The following CDKAL1 variants were observed in gnomAD, a reference collection of about 807,000 sequenced individuals.
CDKAL1 encodes threonylcarbamoyladenosine tRNA methylthiotransferase.
Under a neutral mutation model 68.2 loss-of-function variants are expected in CDKAL1, and 32 were observed. That is an observed-to-expected ratio of 0.47 (90% CI 0.35 to 0.63). The LOEUF is 0.63. CDKAL1 is among the 30% of genes least tolerant of loss of function. The pLI is 0.00. For missense variants in CDKAL1, 606 were observed against 696.7 expected (o/e 0.87, Z 1.47); for synonymous variants, 234 against 244.3 (o/e 0.96, Z 0.39).
intron 5 of CDKAL1, among the ~76,000 whole-genome samples, chr6:20,673,339 A>C (rs990093455): frequency 1.8e-4 from 27 of 152,230 alleles, no homozygotes; most frequent in Non-Finnish European, 2.9e-4. Context: ...TAGTACTTGC[A>C]CATAACCTAT....
In CDKAL1 at chr6:21,144,780, G is replaced by A. The variant is rs796162202; in HGVS notation, c.1299+36317G>A. ...ATTATGCCTTTGCACTCCAGCCTGG[G>A]TGACACAGTGAGACTGACCTTGTCT... On this transcript the variant is annotated intron_variant, in intron 13 of 15. Coordinates refer to ENST00000274695, the MANE Select transcript of CDKAL1 (RefSeq NM_017774.3). Among the ~76,000 whole-genome samples, 43 of 152,174 alleles carry A rather than the reference G, an allele frequency of 2.8e-4. 1 individual carries two copies. The highest frequency in any genetic ancestry group is 1.0e-3 in the African/African-American group (43 of 41,516).
At chr6:20,784,181 C>G (rs944740819) in intron 8 of CDKAL1, among the ~76,000 whole-genome samples, 1 of 150,894 alleles carries the variant, frequency 6.6e-6, no homozygotes, top group Non-Finnish European at 1.5e-5. Context: ...CCACTAAACT[C>G]CAGCCTGGAG....
chr6:20,979,566 C>CG (rs1313013315), intron 10 of CDKAL1, among the ~76,000 whole-genome samples: 2 of 151,596 alleles, frequency 1.3e-5, no homozygotes, highest in African/African-American at 4.9e-5. Flanking sequence ...ACATGTTTCC[C>CG]GGGGGTTCGA....
At chr6:21,076,894 C>T (rs1458821032) in intron 12 of CDKAL1, among the ~76,000 whole-genome samples, 1 of 151,996 alleles carries the variant, frequency 6.6e-6, no homozygotes, top group African/African-American at 2.4e-5. Flanking sequence ...TTAGCCTGCC[C>T]ATAATTTTGT....
chr6:20,587,130 G>T (rs1049757599), intron 4 of CDKAL1, among the ~76,000 whole-genome samples: 28 of 151,782 alleles, frequency 1.8e-4, no homozygotes, highest in Admixed American at 6.6e-5. Context: ...GAGATTACAG[G>T]CGCGTGCCAC....
chr6:20,571,855 T>A (rs914091265), intron 4 of CDKAL1, among the ~76,000 whole-genome samples: 16 of 152,054 alleles, frequency 1.1e-4, no homozygotes, highest in East Asian at 5.8e-4. Flanking sequence ...GATGTAATTT[T>A]AAAAAAAATT....
In CDKAL1 at chr6:20,681,218, G is replaced by A. The variant is rs111970018; in HGVS notation, c.371+31841G>A. On this transcript the variant is annotated intron_variant, in intron 5 of 15. Transcript: ENST00000274695. ...TAGGTGAATCCCTGTAAAGAACATT[G>A]TAGAAGGTTATTATAACAACTCCTA... Among the ~76,000 whole-genome samples, 465 of 152,270 alleles carry A rather than the reference G, an allele frequency of 3.1e-3. 6 individuals carry two copies. Among genetic ancestry groups the A allele is most frequent in the African/African-American group, 0.01 (436 of 41,556 alleles).
intron 3 of CDKAL1, among the ~76,000 whole-genome samples, chr6:20,547,013 A>T (rs527629554): frequency 4.0e-4 from 58 of 146,480 alleles, no homozygotes; most frequent in South Asian, 2.2e-4. Context: ...CAGATATCAC[A>T]TTTTTTTTTT....
At chr6:21,115,564 CA>C (rs1267621665) in intron 13 of CDKAL1, among the ~76,000 whole-genome samples, 128 of 152,330 alleles carry the variant, frequency 8.4e-4, no homozygotes, top group African/African-American at 3.0e-3. Context: ...GCCATTTGTG[CA>C]CTTAACTCTA....
chr6:20,609,950 G>A (rs1458827860), intron 4 of CDKAL1, among the ~76,000 whole-genome samples: 5 of 151,924 alleles, frequency 3.3e-5, no homozygotes, highest in Non-Finnish European at 7.4e-5. Flanking sequence ...CCTCTAATAA[G>A]CCCCAGTGTG....
intron 10 of CDKAL1, among the ~76,000 whole-genome samples, chr6:20,996,088 G>T (rs189394046): frequency 1.3e-5 from 2 of 152,330 alleles, no homozygotes; most frequent in Admixed American, 6.5e-5. Context: ...AACGTCTTCT[G>T]CAGTCTCCTC....
intron 4 of CDKAL1, among the ~76,000 whole-genome samples, chr6:20,611,226 C>T (rs764667975): frequency 3.3e-5 from 5 of 152,082 alleles, no homozygotes; most frequent in Admixed American, 1.3e-4. Context: ...TCTAGGGATT[C>T]TGTCAATCTG....
intron 4 of CDKAL1, among the ~76,000 whole-genome samples, chr6:20,641,231 C>A (rs114601365): frequency 2.6e-5 from 4 of 151,866 alleles, no homozygotes; most frequent in Admixed American, 2.0e-4. Flanking sequence ...TAAAAGGAAG[C>A]TATTGATTCC....
At chr6:20,908,116 A>G (rs1762314024) in intron 9 of CDKAL1, among the ~76,000 whole-genome samples, 1 of 152,226 alleles carries the variant, frequency 6.6e-6, no homozygotes, top group Non-Finnish European at 1.5e-5. Flanking sequence ...GAACTCCAGC[A>G]TAACCATGGG....
chr6:20,689,584 A>C (rs1009089433), intron 5 of CDKAL1, among the ~76,000 whole-genome samples: 4 of 152,210 alleles, frequency 2.6e-5, no homozygotes, highest in African/African-American at 9.6e-5. Context: ...TGGAAACCTG[A>C]AGTCCCCACA....
At chr6:20,635,454 A>G (rs560606171) in intron 4 of CDKAL1, among the ~76,000 whole-genome samples, 125 of 150,934 alleles carry the variant, frequency 8.3e-4, no homozygotes, top group Non-Finnish European at 1.5e-3. Context: ...TTTTTTATTC[A>G]AATGCTTAGG....
chr6:20,863,315 T>C (rs1759743167), intron 9 of CDKAL1, among the ~76,000 whole-genome samples: 1 of 152,196 alleles, frequency 6.6e-6, no homozygotes, highest in Non-Finnish European at 1.5e-5. Flanking sequence ...GGTTCTGCAA[T>C]CACCACATAA....
intron 12 of CDKAL1, among the ~76,000 whole-genome samples, chr6:21,076,028 A>G (rs1772053579): frequency 1.3e-5 from 2 of 152,152 alleles, no homozygotes; most frequent in Non-Finnish European, 2.9e-5. Context: ...TAAAGGCAAT[A>G]TCTTTGATTA....
At chr6:21,090,597 C>G (rs1458436325) in intron 12 of CDKAL1, among the ~76,000 whole-genome samples, 1 of 152,164 alleles carries the variant, frequency 6.6e-6, no homozygotes, top group Non-Finnish European at 1.5e-5. Flanking sequence ...AGGAATGACA[C>G]TCATATATAT....
Sources: allele counts gnomAD v4.1 joint callset (sites outside exome capture counted in the v4.1 genomes callset), GRCh38; gene constraint gnomAD v4.1.1; transcripts MANE v1.5; gene names NCBI Gene and HGNC (gene_info 2026-07-23, HGNC 2026-07-21).